RHOBTB1: variants seen among roughly 807,000 people sequenced by gnomAD.
The protein encoded by RHOBTB1 is rho-related BTB domain-containing protein 1.
A neutral mutation model predicts 71.6 loss-of-function variants in RHOBTB1; 40 were observed. The observed-to-expected ratio is 0.56, with a 90% CI of 0.43 to 0.73. The LOEUF is 0.73. Among genes scored for constraint, RHOBTB1 ranks in the 30% least tolerant of loss-of-function variants. The probability of loss-of-function intolerance (pLI) is 0.00; values close to 1 mark genes in which losing one functional copy is unlikely to be tolerated. For synonymous variants in RHOBTB1, 319 were observed against 334.9 expected (o/e 0.95, Z 0.52); for missense variants, 797 against 894.0 (o/e 0.89, Z 1.38).
chr10:60,992,360 T>C (rs1325986734), intron 1 of RHOBTB1, among the ~76,000 whole-genome samples: 1 of 152,230 alleles, frequency 6.6e-6, no homozygotes, highest in Non-Finnish European at 1.5e-5. Flanking sequence ...TCCTATTATC[T>C]TCATTTTCGC....
At chr10:60,881,425 T>C (rs1333999400) in intron 7 of RHOBTB1, among the ~76,000 whole-genome samples, 1 of 152,210 alleles carries the variant, frequency 6.6e-6, no homozygotes, top group Non-Finnish European at 1.5e-5. Flanking sequence ...AAGATGTTAG[T>C]AATTGTTAAT....
intron 7 of RHOBTB1, among the ~76,000 whole-genome samples, chr10:60,880,681 A>G (rs1450529061): frequency 6.6e-6 from 1 of 152,188 alleles, no homozygotes. Flanking sequence ...TTTTGAAATA[A>G]AGTAGCTGTT....
intron 3 of RHOBTB1, 60 bp from the exon 4 acceptor site, chr10:60,911,050 C>T (rs187375892): frequency 1.1e-4 from 152 of 1,373,742 alleles, no homozygotes; most frequent in African/African-American, 1.0e-3. Context: ...CCAGGAGAAG[C>T]GTGTTCAAGT....
chr10:60,881,070 A>G (rs2081307303), intron 7 of RHOBTB1, among the ~76,000 whole-genome samples: 1 of 152,222 alleles, frequency 6.6e-6, no homozygotes, highest in Non-Finnish European at 1.5e-5. Context: ...GGTTCCCCCC[A>G]GACTATTCTA....
chr10:60,983,052 G>C (rs2086555004), intron 2 of RHOBTB1, among the ~76,000 whole-genome samples: 1 of 152,118 alleles, frequency 6.6e-6, no homozygotes, highest in Non-Finnish European at 1.5e-5. Flanking sequence ...ACAAGTGCTA[G>C]ATGGTCTATT....
chr10:60,928,572 T>C (rs1286696861), intron 2 of RHOBTB1, among the ~76,000 whole-genome samples: 2 of 151,474 alleles, frequency 1.3e-5, no homozygotes, highest in Non-Finnish European at 2.9e-5. Context: ...TCCAAAAAAT[T>C]TGAGCTCATG....
chr10:60,886,128 T>G lies in RHOBTB1; in HGVS notation c.1559A>C (p.Glu520Ala). ...GGCACGTACCTCACTGTTGGCACTT[T>G]CCACAAATGACCCCCCGAACATGGC... ...MAAMFGGSFV[E>A]SANSEVYLPN... Residue 520 changes from glutamate to alanine, a missense_variant, in exon 7 of 11, where the codon GAA becomes GCA. Glu to Ala is a moderately radical substitution (Grantham distance 107, BLOSUM62 -1). Around this residue, in one of 2 missense-constraint regions of RHOBTB1, gnomAD observed 658 missense variants for 681.5 expected, o/e 0.97. Transcript: ENST00000337910. The G allele has an allele frequency of 1.2e-6, 2 of 1,613,952 alleles. No individual in the cohort carries two copies. The highest frequency in any genetic ancestry group is 1.7e-6 in the Non-Finnish European group (2 of 1,179,840).
chr10:60,864,762 G>A (rs1331581601), downstream of RHOBTB1, among the ~76,000 whole-genome samples: 1 of 151,430 alleles, frequency 6.6e-6, no homozygotes, highest in Non-Finnish European at 1.5e-5. Flanking sequence ...GTGGGATCTC[G>A]GCTCACTGCA....
At chr10:60,952,944 T>C (rs928458096) in intron 2 of RHOBTB1, among the ~76,000 whole-genome samples, 1 of 152,054 alleles carries the variant, frequency 6.6e-6, no homozygotes, top group African/African-American at 2.4e-5. Context: ...GAAAACACAA[T>C]TTGTGGGAAA....
intron 4 of RHOBTB1, among the ~76,000 whole-genome samples, chr10:60,907,999 G>A (rs558215063): frequency 6.6e-6 from 1 of 152,212 alleles, no homozygotes; most frequent in Non-Finnish European, 1.5e-5. Context: ...CTAATGTGTT[G>A]ACTGGCACAC....
intron 2 of RHOBTB1, among the ~76,000 whole-genome samples, chr10:60,935,744 A>C (rs1589363579): frequency 6.6e-6 from 1 of 152,212 alleles, no homozygotes; most frequent in Non-Finnish European, 1.5e-5. Context: ...AACAAAGATA[A>C]TAAGTACTCA....
chr10:60,952,444 T>C (rs73266078), intron 2 of RHOBTB1, among the ~76,000 whole-genome samples: 4,285 of 152,320 alleles, frequency 0.028, 144 homozygotes, highest in African/African-American at 0.083. Flanking sequence ...AATGCTTTTA[T>C]ACTCACTTTC....
chr10:60,909,156 G>T (rs1179642046), intron 4 of RHOBTB1, among the ~76,000 whole-genome samples: 3 of 152,208 alleles, frequency 2.0e-5, no homozygotes, highest in Non-Finnish European at 4.4e-5. Flanking sequence ...ACGGGGCCCA[G>T]TGTGGATCTA....
At chr10:60,988,705 C>T (rs113572273) in intron 1 of RHOBTB1, among the ~76,000 whole-genome samples, 3,231 of 152,256 alleles carry the variant, frequency 0.021, 115 homozygotes, top group African/African-American at 0.073. Flanking sequence ...CAATCCACCA[C>T]TGATGGGCAC....
intron 10 of RHOBTB1, 166 bp downstream of exon 10, chr10:60,872,019 C>A (rs2080813508): frequency 1.5e-6 from 1 of 671,068 alleles, no homozygotes; most frequent in African/African-American, 1.8e-5. Flanking sequence ...AATTCCCAGC[C>A]TTCAATTCCT....
intron 2 of RHOBTB1, among the ~76,000 whole-genome samples, chr10:60,965,394 G>T (rs1277875043): frequency 6.6e-6 from 1 of 151,864 alleles, no homozygotes; most frequent in Admixed American, 6.6e-5. Context: ...TCAGTTTATA[G>T]ATGAAAAAAA....
intron 4 of RHOBTB1, among the ~76,000 whole-genome samples, chr10:60,896,501 G>C (rs936419837): frequency 6.6e-6 from 1 of 152,226 alleles, no homozygotes; most frequent in Non-Finnish European, 1.5e-5. Flanking sequence ...GCAGAGTACA[G>C]GGTACATGAG....
At position 60,911,345 on chromosome 10, in the gene RHOBTB1, T is replaced by C; in HGVS notation, c.192+6A>G. 6.2e-7 allele frequency: 1 copy of C among 1,603,648 alleles called. No individual in the cohort carries two copies. Among genetic ancestry groups the C allele is most frequent in the Non-Finnish European group, 8.5e-7 (1 of 1,171,332 alleles). The stretch of plus-strand genomic sequence containing the variant: ...AGGGATGCTGAAGACACTCTGTGCA[T>C]CTTACCTCCTGGCACACGCGGTACT... On this transcript the variant is annotated splice_donor_region_variant and intron_variant, in intron 3 of 10. Coordinates refer to ENST00000337910, the MANE Select transcript of RHOBTB1 (RefSeq NM_014836.5).
intron 2 of RHOBTB1, among the ~76,000 whole-genome samples, chr10:60,921,486 A>C (rs2083560158): frequency 6.6e-6 from 1 of 152,198 alleles, no homozygotes; most frequent in African/African-American, 2.4e-5. Context: ...TGTCTTTAAG[A>C]GGGTTTATCA....
Sources: gnomAD v4.1 joint callset for allele counts (sites outside exome capture counted in the v4.1 genomes callset) on GRCh38, gnomAD v4.1.1 for gene constraint, gnomAD v4.1.1 regional missense constraint, MANE v1.5 for transcripts, NCBI Gene and HGNC (gene_info 2026-07-23, HGNC 2026-07-21) for gene names.